The following CHD6 variants were observed in gnomAD, a reference collection of about 807,000 sequenced individuals.
CHD6 encodes chromodomain helicase DNA binding protein 6, also known as ATP-dependent chromatin remodeler CHD6.
CHD6 carries 50 observed loss-of-function variants against 276.9 expected under a neutral mutation model. That is an observed-to-expected ratio of 0.18 (90% CI 0.14 to 0.23). The LOEUF is 0.23. Ranked by LOEUF, CHD6 falls within the 10% of genes least tolerant of loss-of-function variation. The pLI, the probability that CHD6 is intolerant of heterozygous loss-of-function variation, is 1.00. For missense variants in CHD6, 2,564 were observed against 3,365.8 expected, an observed-to-expected ratio of 0.76 and a Z score of 5.89; for synonymous variants, 1,173 against 1,229.3, an observed-to-expected ratio of 0.95 and a Z score of 0.96.
chr20:41,569,901 G>A (rs529545754), intron 1 of CHD6, among the ~76,000 whole-genome samples: 13 of 152,116 alleles, frequency 8.5e-5, no homozygotes, highest in African/African-American at 1.2e-4. Flanking sequence ...TTTGGCATGG[G>A]ATGGGTGTCC....
At position 41,457,476 on chromosome 20, in the gene CHD6, G is replaced by A. The variant is rs758269137; in HGVS notation, c.2665-48C>T. ...GCATCACGTCACCGTATGTATAAAC[G>A]GCAGCAACCCTGGGAATAGGGGAGT... On this transcript the variant is annotated intron_variant, in intron 17 of 36. Coordinates refer to ENST00000373233, the MANE Select transcript of CHD6 (RefSeq NM_032221.5). 20 of 1,576,896 alleles carry A rather than the reference G, an allele frequency of 1.3e-5. No homozygotes were observed. In the East Asian group the frequency reaches 1.8e-4, roughly 14 times the overall value.
chr20:41,502,138 A>G (rs1042139592), intron 5 of CHD6, among the ~76,000 whole-genome samples: 20 of 152,178 alleles, frequency 1.3e-4, no homozygotes, highest in African/African-American at 3.6e-4. Context: ...CATTTTATCA[A>G]TCTTTTCTTT....
chr20:41,569,114 G>T (rs1157772854), intron 1 of CHD6, among the ~76,000 whole-genome samples: 1 of 152,172 alleles, frequency 6.6e-6, no homozygotes, highest in Non-Finnish European at 1.5e-5. Context: ...TATGGAAAAA[G>T]TTCTCCTTGC....
chr20:41,437,045 T>C (rs761817924), intron 27 of CHD6, among the ~76,000 whole-genome samples: 41 of 152,232 alleles, frequency 2.7e-4, no homozygotes, highest in Non-Finnish European at 3.2e-4. Context: ...TTCTGTATTA[T>C]ATTTTGTGAC....
At chr20:41,552,453 T>C (rs6102460) in intron 1 of CHD6, among the ~76,000 whole-genome samples, 38,747 of 152,134 alleles carry the variant, frequency 0.25, 6,002 homozygotes, top group East Asian at 0.49. Flanking sequence ...GATATGTTAA[T>C]TAGCTTGACT....
chr20:41,519,094 C>T (rs2044321768), intron 3 of CHD6, among the ~76,000 whole-genome samples: 1 of 152,130 alleles, frequency 6.6e-6, no homozygotes, highest in Non-Finnish European at 1.5e-5. Context: ...CCAGCCTGGG[C>T]AATATGGCGA....
chr20:41,428,568 G>A (rs1207811275), intron 27 of CHD6, among the ~76,000 whole-genome samples: 1 of 152,204 alleles, frequency 6.6e-6, no homozygotes, highest in Non-Finnish European at 1.5e-5. Context: ...GAGGACACAC[G>A]TGGTTTGGAG....
In CHD6 at chr20:41,481,552, A is replaced by T. The variant is rs553246898; in HGVS notation, c.2468+1757T>A. Among the ~76,000 whole-genome samples the T allele has an allele frequency of 1.6e-4, 25 of 152,266 alleles. No individual in the cohort carries two copies. In the South Asian group the frequency reaches 2.3e-3, roughly 14 times the overall value. On this transcript the variant is annotated intron_variant, in intron 16 of 36. Coordinates refer to ENST00000373233, the MANE Select transcript of CHD6 (RefSeq NM_032221.5). ...TTAGCAAAGATTAAGAAGTAAAAAC[A>T]ATATTGATCAGAATATGGAAAAAAG...
intron 17 of CHD6, among the ~76,000 whole-genome samples, chr20:41,468,041 T>C (rs1242020301): frequency 6.6e-6 from 1 of 152,042 alleles, no homozygotes; most frequent in Admixed American, 6.6e-5. Context: ...TCTGCTCAAA[T>C]GTCATCTTCT....
At chr20:41,594,767 C>T (rs1233083582) in intron 1 of CHD6, among the ~76,000 whole-genome samples, 1 of 152,224 alleles carries the variant, frequency 6.6e-6, no homozygotes, top group African/African-American at 2.4e-5. Flanking sequence ...CCCTTCTCGC[C>T]TAATTGACCT....
intron 3 of CHD6, among the ~76,000 whole-genome samples, chr20:41,526,437 A>G (rs2044537908): frequency 6.6e-6 from 1 of 152,240 alleles, no homozygotes; most frequent in Non-Finnish European, 1.5e-5. Context: ...ATTGACCTTC[A>G]AATAAATGAG....
chr20:41,520,612 C>G (rs1025123999), intron 3 of CHD6, among the ~76,000 whole-genome samples: 7 of 140,510 alleles, frequency 5.0e-5, no homozygotes, highest in African/African-American at 1.9e-4. Flanking sequence ...TAGGTGGGAA[C>G]TGAACAATGA....
intron 1 of CHD6, among the ~76,000 whole-genome samples, chr20:41,557,461 AC>A (rs1380775331): frequency 2.0e-5 from 3 of 152,084 alleles, no homozygotes; most frequent in African/African-American, 7.2e-5. Context: ...AAAATCTGCA[AC>A]AGTGCCTGTG....
chr20:41,604,253 G>T (rs1346165932), intron 1 of CHD6, among the ~76,000 whole-genome samples: 1 of 152,044 alleles, frequency 6.6e-6, no homozygotes, highest in Admixed American at 6.5e-5. Context: ...GGAGAGGGTT[G>T]GGATGGAAAA....
intron 4 of CHD6, among the ~76,000 whole-genome samples, chr20:41,513,615 T>A (rs897043009): frequency 6.6e-6 from 1 of 152,188 alleles, no homozygotes; most frequent in African/African-American, 2.4e-5. Context: ...ATTAAGAAGC[T>A]GTACCTTTTA....
chr20:41,488,643 G>A (rs374427546), intron 12 of CHD6, 39 bp from the exon 13 acceptor site: 1 of 1,580,720 alleles, frequency 6.3e-7, no homozygotes, highest in African/African-American at 1.4e-5. Context: ...TTTACACCAT[G>A]GCTATAGAAT....
intron 3 of CHD6, among the ~76,000 whole-genome samples, chr20:41,515,230 T>TA (rs1467637666): frequency 6.6e-6 from 1 of 152,240 alleles, no homozygotes; most frequent in Non-Finnish European, 1.5e-5. Context: ...ACTTTCAGTT[T>TA]ATACAAATGT....
At chr20:41,485,245 T>C (rs1038289315) in intron 14 of CHD6, among the ~76,000 whole-genome samples, 6 of 152,132 alleles carry the variant, frequency 3.9e-5, no homozygotes, top group African/African-American at 1.4e-4. Flanking sequence ...GGACAGCAGA[T>C]CTTTATGCAA....
chr20:41,443,314 C>G (rs1439136586), intron 25 of CHD6, among the ~76,000 whole-genome samples: 1 of 152,152 alleles, frequency 6.6e-6, no homozygotes, highest in African/African-American at 2.4e-5. Context: ...ATCCCAATAC[C>G]CTGAACAGTG....
Sources: gnomAD v4.1 joint callset for allele counts (sites outside exome capture counted in the v4.1 genomes callset) on GRCh38, gnomAD v4.1.1 for gene constraint, MANE v1.5 for transcripts, NCBI Gene and HGNC (gene_info 2026-07-23, HGNC 2026-07-21) for gene names.